The following DNMBP variants were observed in gnomAD, a reference collection of about 807,000 sequenced individuals.
DNMBP encodes dynamin-binding protein.
DNMBP carries 87 observed loss-of-function variants against 150.0 expected under a neutral mutation model. The observed-to-expected ratio is 0.58, with a 90% CI of 0.49 to 0.69. The LOEUF (loss-of-function observed/expected upper bound fraction) is 0.69, where lower values mean the gene tolerates loss of function less well. Ranked by LOEUF, DNMBP falls within the 30% of genes least tolerant of loss-of-function variation. The probability of loss-of-function intolerance (pLI) is 0.00; values close to 1 mark genes in which losing one functional copy is unlikely to be tolerated. For synonymous variants in DNMBP, 711 were observed against 750.4 expected (o/e 0.95, Z 0.86); for missense variants, 1,774 against 1,949.0 (o/e 0.91, Z 1.69).
intron 4 of DNMBP, among the ~76,000 whole-genome samples, chr10:99,922,721 A>T (rs565329381): frequency 6.0e-4 from 91 of 151,954 alleles, no homozygotes; most frequent in Non-Finnish European, 1.0e-3. Context: ...ACAACTCATG[A>T]TCCCAGGAAG....
Position 99,957,130 on chromosome 10 carries a change from A to C in DNMBP, c.344T>G (p.Phe115Cys). Residue 115 changes from phenylalanine (F) to cysteine (C), a missense_variant, in exon 4 of 17, where the codon TTC (phenylalanine) becomes TGC (cysteine). This residue lies in a region of DNMBP where 344 missense variants were observed against 456.6 expected (regional missense o/e 0.75). Coordinates refer to ENST00000324109, the MANE Select transcript of DNMBP (RefSeq NM_015221.4). Reference sequence around the variant, plus strand: ...CTCGCGGACACATGAAGATGGGAAGAAGCCCCGTGCGCCCCAGCAGCTTCG... The same window carrying C: ...CTCGCGGACACATGAAGATGGGAAGCAGCCCCGTGCGCCCCAGCAGCTTCG... ...QGRSCWGARG[F>C]FPSSCVRELC... The C allele has an allele frequency of 6.2e-7, 1 of 1,613,254 alleles. No homozygotes were observed. The highest frequency in any genetic ancestry group is 1.1e-5 in the South Asian group (1 of 91,084).
At chr10:99,969,043 G>A in intron 3 of DNMBP, 72 bp downstream of exon 3, 1 of 1,581,734 alleles carries the variant, frequency 6.3e-7, no homozygotes, top group South Asian at 1.1e-5. Context: ...ATTCAAAAAG[G>A]ATCTGGTTGT....
At chr10:99,964,217 G>A (rs1414171656) in intron 3 of DNMBP, among the ~76,000 whole-genome samples, 2 of 136,726 alleles carry the variant, frequency 1.5e-5, no homozygotes, top group Admixed American at 8.2e-5. Flanking sequence ...ATCTCGGCTC[G>A]CTGCAACCTC....
chr10:99,972,167 T>C, intron 1 of DNMBP, 33 bp from the exon 2 acceptor site: 1 of 1,576,634 alleles, frequency 6.3e-7, no homozygotes, highest in Non-Finnish European at 8.6e-7. Context: ...ATAGAAAACA[T>C]CAATATTTAA....
intron 4 of DNMBP, among the ~76,000 whole-genome samples, chr10:99,948,387 A>C (rs2040382785): frequency 6.6e-6 from 1 of 152,220 alleles, no homozygotes; most frequent in Non-Finnish European, 1.5e-5. Context: ...CTTACTCCTG[A>C]ATCTCAAATA....
chr10:99,879,803 G>A lies in DNMBP; in HGVS notation c.4548+8C>T, dbSNP rs777738441. 13 of 1,613,164 alleles carry A rather than the reference G, an allele frequency of 8.1e-6. No individual in the cohort carries two copies. The highest frequency in any genetic ancestry group is 5.3e-5 in the African/African-American group (4 of 74,910). On this transcript the variant is annotated splice_region_variant and intron_variant, in intron 16 of 16. Coordinates refer to ENST00000324109, the MANE Select transcript of DNMBP (RefSeq NM_015221.4). ...TGTGCCACAGTGGCAGGCCTCTTAC[G>A]CACTCACCTGGTTGCCTTCTGCCTC... is the stretch of plus-strand genomic sequence containing the variant.
intron 4 of DNMBP, among the ~76,000 whole-genome samples, chr10:99,923,019 C>T (rs568105183): frequency 8.5e-5 from 13 of 152,202 alleles, no homozygotes; most frequent in Non-Finnish European, 1.5e-4. Context: ...TTTGGGAGGC[C>T]GAGTCAGGCA....
intron 3 of DNMBP, among the ~76,000 whole-genome samples, chr10:99,962,944 G>A (rs902009307): frequency 1.1e-4 from 16 of 151,492 alleles, no homozygotes; most frequent in African/African-American, 3.9e-4. Flanking sequence ...TTACCTGATG[G>A]ACTGCTATTT....
rs142249365 is a variant in DNMBP at position 99,981,502 on chromosome 10, A to G, written c.-10-9368T>C. Among the ~76,000 whole-genome samples the G allele has an allele frequency of 3.3e-5, 5 of 152,268 alleles. No individual in the cohort carries two copies. In the East Asian group the frequency reaches 5.8e-4, roughly 18 times the overall value. ...TGGCCAGTAATTTTTATTAAGCAAC[A>G]TATCTTCAAGTCTGGACATACTTCA... On this transcript the variant is annotated intron_variant, in intron 1 of 16. Coordinates refer to ENST00000324109, the MANE Select transcript of DNMBP (RefSeq NM_015221.4).
chr10:99,984,713 T>C (rs948461100), intron 1 of DNMBP, among the ~76,000 whole-genome samples: 2 of 152,214 alleles, frequency 1.3e-5, no homozygotes, highest in Admixed American at 6.5e-5. Flanking sequence ...TAAAAAGACA[T>C]GAGGAATTTC....
chr10:99,951,026 G>A (rs932391922), intron 4 of DNMBP, among the ~76,000 whole-genome samples: 2 of 152,212 alleles, frequency 1.3e-5, no homozygotes, highest in Non-Finnish European at 2.9e-5. Flanking sequence ...TTCCTGGGCT[G>A]TGCCCAGGAT....
intron 4 of DNMBP, among the ~76,000 whole-genome samples, chr10:99,928,764 G>C (rs1436705163): frequency 6.6e-6 from 1 of 152,036 alleles, no homozygotes; most frequent in African/African-American, 2.4e-5. Context: ...GTCAAGGAGT[G>C]AACAATCTAT....
intron 1 of DNMBP, among the ~76,000 whole-genome samples, chr10:100,005,320 G>C (rs181403170): frequency 2.8e-4 from 43 of 152,250 alleles, no homozygotes; most frequent in East Asian, 1.4e-3. Context: ...ATGGTGTTAG[G>C]GGGTAGGAAC....
intron 12 of DNMBP, 59 bp downstream of exon 12, chr10:99,888,766 C>A: frequency 6.2e-7 from 1 of 1,603,960 alleles, no homozygotes; most frequent in Non-Finnish European, 8.5e-7. Context: ...CTTGCATGAG[C>A]TGATGTATTT....
chr10:99,935,262 G>A (rs2040216051), intron 4 of DNMBP, among the ~76,000 whole-genome samples: 1 of 152,072 alleles, frequency 6.6e-6, no homozygotes, highest in Non-Finnish European at 1.5e-5. Context: ...TGAACATCAA[G>A]TGCTTGCCAT....
At chr10:99,930,912 G>C (rs951566217) in intron 4 of DNMBP, 2 of 542,544 alleles carry the variant, frequency 3.7e-6, no homozygotes, top group Non-Finnish European at 6.4e-6. Context: ...TGCTCTAGTC[G>C]GAGCGCAGTG....
At chr10:99,946,812 A>C (rs1027684258) in intron 4 of DNMBP, among the ~76,000 whole-genome samples, 1 of 152,208 alleles carries the variant, frequency 6.6e-6, no homozygotes, top group Non-Finnish European at 1.5e-5. Context: ...GACTGGGAAA[A>C]ACTATATGTA....
intron 8 of DNMBP, 180 bp from the exon 9 acceptor site, chr10:99,898,465 G>T: frequency 1.4e-6 from 1 of 700,140 alleles, no homozygotes. Flanking sequence ...TCCAATTTCA[G>T]TCATTCAACA....
At chr10:99,972,899 A>G (rs1318048914) in intron 1 of DNMBP, among the ~76,000 whole-genome samples, 7 of 152,200 alleles carry the variant, frequency 4.6e-5, no homozygotes, top group Non-Finnish European at 1.5e-5. Flanking sequence ...CTCAAGGCTC[A>G]GCCTCCCAAG....
Sources: allele counts gnomAD v4.1 joint callset (sites outside exome capture counted in the v4.1 genomes callset), GRCh38; gene constraint gnomAD v4.1.1; regional missense constraint gnomAD v4.1.1; transcripts MANE v1.5; gene names NCBI Gene and HGNC (gene_info 2026-07-23, HGNC 2026-07-21).